ITPRID2: variants seen among roughly 807,000 people sequenced by gnomAD.
The protein encoded by ITPRID2 is ITPR interacting domain containing 2, also known as protein ITPRID2.
ITPRID2 carries 60 observed loss-of-function variants against 124.3 expected under a neutral mutation model. That is an observed-to-expected ratio of 0.48 (90% CI 0.39 to 0.60). The LOEUF (loss-of-function observed/expected upper bound fraction) is 0.60. Among genes scored for constraint, ITPRID2 ranks in the 20% least tolerant of loss-of-function variants. The pLI, the probability that ITPRID2 is intolerant of heterozygous loss-of-function variation, is 0.00. For missense variants in ITPRID2, 1,553 were observed against 1,512.2 expected, an observed-to-expected ratio of 1.03 and a Z score of -0.45; for synonymous variants, 521 against 542.9, an observed-to-expected ratio of 0.96 and a Z score of 0.56.
chr2:181,913,571 A>G (rs1478399100), intron 9 of ITPRID2, among the ~76,000 whole-genome samples: 1 of 152,204 alleles, frequency 6.6e-6, no homozygotes, highest in Non-Finnish European at 1.5e-5. Flanking sequence ...ACCAAAATAG[A>G]TTATAATTAG....
intron 8 of ITPRID2, among the ~76,000 whole-genome samples, chr2:181,909,109 T>C (rs958870983): frequency 1.3e-5 from 2 of 152,168 alleles, no homozygotes; most frequent in African/African-American, 4.8e-5. Flanking sequence ...GATAGAAAAA[T>C]AAACACAAAA....
intron 10 of ITPRID2, among the ~76,000 whole-genome samples, chr2:181,914,338 G>C (rs1574268768): frequency 6.6e-6 from 1 of 152,220 alleles, no homozygotes; most frequent in East Asian, 1.9e-4. Flanking sequence ...TTTTACACTA[G>C]GTTGTGTGAG....
chr2:181,928,084 G>C, intron 16 of ITPRID2, 77 bp from the exon 17 acceptor site: 2 of 934,630 alleles, frequency 2.1e-6, no homozygotes, highest in Non-Finnish European at 3.2e-6. Context: ...AATGCTATTT[G>C]TATTTTTTCC....
At chr2:181,911,619 C>A (rs1329070698) in intron 9 of ITPRID2, among the ~76,000 whole-genome samples, 2 of 152,056 alleles carry the variant, frequency 1.3e-5, no homozygotes, top group Non-Finnish European at 2.9e-5. Flanking sequence ...AATTAGAAAT[C>A]ATATATTGTA....
rs1692219660 is a variant in ITPRID2 at position 181,896,561 on chromosome 2, A to T, written c.308-347A>T. 6.6e-6 allele frequency among the ~76,000 whole-genome samples: 1 copy of T among 151,946 alleles called. No individual in the cohort carries two copies. Among genetic ancestry groups the T allele is most frequent in the Non-Finnish European group, 1.5e-5 (1 of 67,834 alleles). ...CAGTGTCAGGAAAATCCAGCTCCTGACTTAATATGAGATGGATAAGAAGAA... is the reference window on the plus strand; with the variant it reads ...CAGTGTCAGGAAAATCCAGCTCCTGTCTTAATATGAGATGGATAAGAAGAA... On this transcript the variant is annotated intron_variant, in intron 3 of 17. Coordinates refer to ENST00000431877, the MANE Select transcript of ITPRID2 (RefSeq NM_001130445.3). The surrounding 1 kb of genome is among the most constrained non-coding windows in gnomAD (Gnocchi z 4.3).
chr2:181,912,035 G>A (rs1456822725), intron 9 of ITPRID2, among the ~76,000 whole-genome samples: 1 of 152,216 alleles, frequency 6.6e-6, no homozygotes, highest in East Asian at 1.9e-4. Flanking sequence ...TACCTTAGCA[G>A]AGAGAACCAG....
Position 181,896,825 on chromosome 2 carries a change from G to C in ITPRID2, c.308-83G>C. On this transcript the variant is annotated intron_variant, in intron 3 of 17. Coordinates refer to ENST00000431877, the MANE Select transcript of ITPRID2 (RefSeq NM_001130445.3). The surrounding 1 kb of genome is among the most constrained non-coding windows in gnomAD (Gnocchi z 4.3). ...TTTTACTGTATAAGATATTTTGCTG[G>C]GTGAATTTAACTAAAACAGTGATTT... 6 of 1,032,182 alleles carry C rather than the reference G, an allele frequency of 5.8e-6. No individual in the cohort carries two copies. Among genetic ancestry groups the C allele is most frequent in the Non-Finnish European group, 9.1e-6 (6 of 660,198 alleles). The allele number at this position is 1,032,182 out of a possible 1,614,324, so 63.9% of individuals were successfully genotyped here. A position where few individuals can be genotyped will look rare whatever the true frequency, so the allele number is the denominator to read the frequency against.
rs1340529496 is a variant in ITPRID2 at position 181,910,793 on chromosome 2, T to C, written c.1486+822T>C. 6.6e-6 allele frequency among the ~76,000 whole-genome samples: 1 copy of C among 152,194 alleles called. No individual in the cohort carries two copies. The highest frequency in any genetic ancestry group is 1.5e-5 in the Non-Finnish European group (1 of 68,016). ...ACAATTTGCATAAATTTTTTTCTTT[T>C]ATTGCAATATGGTATTAAGAAACAA... On this transcript the variant is annotated intron_variant, in intron 9 of 17. Transcript: ENST00000431877. The surrounding 1 kb of genome is among the most constrained non-coding windows in gnomAD (Gnocchi z 4.1).
At chr2:181,894,520 A>AT (rs1692027385) in intron 2 of ITPRID2, 1 of 152,148 alleles carries the variant, frequency 6.6e-6, no homozygotes, top group Admixed American at 6.5e-5. Flanking sequence ...TTGCATCTGT[A>AT]TTTTTGTTTT....
rs1489744295 is a variant in ITPRID2, at chr2:181,929,577, T to G, written c.*30T>G. The G allele has an allele frequency of 1.2e-6, 2 of 1,612,338 alleles. No homozygotes were observed. The highest frequency in any genetic ancestry group is 2.7e-5 in the African/African-American group (2 of 74,886). On this transcript the variant is annotated 3_prime_UTR_variant, in exon 18 of 18. Coordinates refer to ENST00000431877, the MANE Select transcript of ITPRID2 (RefSeq NM_001130445.3). The stretch of plus-strand genomic sequence containing the variant: ...TTTTTTAAGGTTGGCATGGATCCTA[T>G]TAGCTGTGTAATACTGGAATTATCA...
chr2:181,919,177 A>G lies in ITPRID2; in HGVS notation c.2994-119A>G. 4.2e-6 allele frequency: 5 copies of G among 1,192,900 alleles called. No homozygotes were observed. Among genetic ancestry groups the G allele is most frequent in the Non-Finnish European group, 5.9e-6 (5 of 842,594 alleles). The allele number at this position is 1,192,900 out of a possible 1,614,324, so 73.9% of individuals were successfully genotyped here. A position where few individuals can be genotyped will look rare whatever the true frequency, so the allele number is the denominator to read the frequency against. ...ACCTATTGTAGTTGATATTGTACTA[A>G]TTTCTAGAACCTGAGATTTCCATGC... On this transcript the variant is annotated intron_variant, in intron 13 of 17. Coordinates refer to ENST00000431877, the MANE Select transcript of ITPRID2 (RefSeq NM_001130445.3). This position sits in a 1 kb window ranked among gnomAD's most constrained non-coding sequence, Gnocchi z 4.2.
At chr2:181,908,335 C>G (rs1018867308) in intron 8 of ITPRID2, among the ~76,000 whole-genome samples, 1 of 152,174 alleles carries the variant, frequency 6.6e-6, no homozygotes, top group Admixed American at 6.5e-5. Context: ...ATTCCTAGAA[C>G]ATAAATGCAG....
At position 181,929,769 on chromosome 2, in the gene ITPRID2, C is replaced by T; in HGVS notation, c.*222C>T. The T allele has an allele frequency of 3.3e-6, 2 of 600,628 alleles. No individual in the cohort carries two copies. Among genetic ancestry groups the T allele is most frequent in the South Asian group, 8.7e-5 (2 of 22,968 alleles). 37.2% of individuals were successfully genotyped at this position (600,628 alleles called of 1,614,324 possible). On this transcript the variant is annotated 3_prime_UTR_variant, in exon 18 of 18. Coordinates refer to ENST00000431877, the MANE Select transcript of ITPRID2 (RefSeq NM_001130445.3). ...TTTCTTTTCTAAACTATCAAAAACT[C>T]TAGCAGTTTGAAAAGCCTAATATTT... is the stretch of plus-strand genomic sequence containing the variant.
intron 16 of ITPRID2, among the ~76,000 whole-genome samples, chr2:181,925,998 G>C (rs1018721730): frequency 6.6e-6 from 1 of 152,068 alleles, no homozygotes; most frequent in African/African-American, 2.4e-5. Context: ...AACCGACGAG[G>C]TGTGGTGGCT....
rs749807367 is a variant in ITPRID2 at position 181,915,582 on chromosome 2, A to G, written c.1942A>G (p.Lys648Glu). The G allele has an allele frequency of 6.2e-7, 1 of 1,614,242 alleles. No homozygotes were observed. Among genetic ancestry groups the G allele is most frequent in the Non-Finnish European group, 8.5e-7 (1 of 1,180,040 alleles). ...REASAESDVG[K>E]SSESEFTQYT... ...AGCAAGTGCTGAAAGTGATGTGGGTAAAAGCAGTGAAAGTGAATTTACTCA... is the reference window on the plus strand; with the variant it reads ...AGCAAGTGCTGAAAGTGATGTGGGTGAAAGCAGTGAAAGTGAATTTACTCA... Residue 648 changes from lysine (K) to glutamate (E), a missense_variant, in exon 11 of 18, where the codon AAA becomes GAA. Physicochemically the swap from Lys to Glu is moderately conservative, Grantham distance 56. Coordinates refer to ENST00000431877, the MANE Select transcript of ITPRID2 (RefSeq NM_001130445.3).
intron 2 of ITPRID2, chr2:181,894,496 C>T (rs1258024055): frequency 6.6e-6 from 1 of 152,116 alleles, no homozygotes; most frequent in Non-Finnish European, 1.5e-5. Flanking sequence ...ATCACAGATT[C>T]GACTTAGGAT....
chr2:181,909,788 T>TGCACTTGA, intron 8 of ITPRID2, 111 bp from the exon 9 acceptor site: 1 of 648,230 alleles, frequency 1.5e-6, no homozygotes, highest in East Asian at 3.0e-5. Flanking sequence ...ATATATATAA[T>TGCACTTGA]GTTTTGGTGC....
Position 181,896,842 on chromosome 2 carries a change from C to A in ITPRID2, c.308-66C>A. 1.6e-6 allele frequency: 2 copies of A among 1,268,062 alleles called. No homozygotes were observed. Among genetic ancestry groups the A allele is most frequent in the Non-Finnish European group, 2.3e-6 (2 of 873,318 alleles). 78.6% of individuals were successfully genotyped at this position (1,268,062 alleles called of 1,614,324 possible). The stretch of plus-strand genomic sequence containing the variant: ...TTTTGCTGGGTGAATTTAACTAAAA[C>A]AGTGATTTTATATGAGGGTGGAGAG... On this transcript the variant is annotated intron_variant, in intron 3 of 17. Transcript: ENST00000431877. This position sits in a 1 kb window ranked among gnomAD's most constrained non-coding sequence, Gnocchi z 4.3.
At chr2:181,903,610 C>A (rs1166866115) in intron 8 of ITPRID2, among the ~76,000 whole-genome samples, 5 of 147,566 alleles carry the variant, frequency 3.4e-5, no homozygotes, top group Non-Finnish European at 7.5e-5. Context: ...TCTGTTAATA[C>A]TTTAATTACA....
Sources: allele counts gnomAD v4.1 joint callset (sites outside exome capture counted in the v4.1 genomes callset), GRCh38; gene constraint gnomAD v4.1.1; non-coding constraint Gnocchi (gnomAD v3.1); transcripts MANE v1.5; gene names NCBI Gene and HGNC (gene_info 2026-07-23, HGNC 2026-07-21).